Variants in ZYG11A observed in about 807,000 individuals in gnomAD.
The protein encoded by ZYG11A is protein zyg-11 homolog A.
ZYG11A carries 62 observed loss-of-function variants against 77.2 expected under a neutral mutation model. The observed-to-expected ratio is 0.80, with a 90% CI of 0.65 to 0.99. The LOEUF (loss-of-function observed/expected upper bound fraction) is 0.99. Among genes scored for constraint, ZYG11A ranks in the 50% least tolerant of loss-of-function variants. ZYG11A has a pLI of 0.00. For missense variants in ZYG11A, 828 were observed against 896.8 expected, an observed-to-expected ratio of 0.92 and a Z score of 0.98; for synonymous variants, 315 against 324.6, an observed-to-expected ratio of 0.97 and a Z score of 0.32.
intron 8 of ZYG11A, among the ~76,000 whole-genome samples, chr1:52,871,852 T>C (rs1427375832): frequency 1.3e-5 from 2 of 152,244 alleles, no homozygotes; most frequent in Non-Finnish European, 2.9e-5. Flanking sequence ...TAGATTGATG[T>C]AGGAAAATTG....
At chr1:52,875,921 GT>G (rs1481551369) in intron 8 of ZYG11A, among the ~76,000 whole-genome samples, 2 of 149,638 alleles carry the variant, frequency 1.3e-5, no homozygotes. Flanking sequence ...CAAGTTTGAG[GT>G]GATTCAGTTT....
intron 13 of ZYG11A, among the ~76,000 whole-genome samples, chr1:52,892,048 A>G (rs939993900): frequency 2.0e-5 from 3 of 150,698 alleles, no homozygotes; most frequent in African/African-American, 7.4e-5. Flanking sequence ...ACAGGTGCCC[A>G]CGACCACGCC....
rs770629621 is a variant in ZYG11A, at chr1:52,857,703, C to T, written c.962C>T (p.Thr321Met). The T allele has an allele frequency of 6.4e-6, 10 of 1,551,758 alleles. No individual in the cohort carries two copies. The East Asian group carries it at 7.3e-5, about 11-fold the overall frequency. ...ATGCAATTTGTGGGACTATTGGCCA[C>T]GGATGCTGGCTCTTCTGACTTCTTT... Reference protein sequence around the residue: ...PAMQFVGLLATDAGSSDFFTT... With the variant: ...PAMQFVGLLAMDAGSSDFFTT... Residue 321 changes from threonine to methionine, a missense_variant, in exon 3 of 14, where the codon ACG (threonine) becomes ATG (methionine). By Grantham distance (81) the Thr-to-Met change is moderately conservative. Transcript: ENST00000371528.
intron 8 of ZYG11A, among the ~76,000 whole-genome samples, chr1:52,870,864 AGGGAGACCGTGGGGAGG>A (rs1646148943): frequency 7.0e-6 from 1 of 142,752 alleles, no homozygotes; most frequent in Non-Finnish European, 1.5e-5. Context: ...AGAGAGGGAG[AGGGAGACCGTGGGGAGG>A]GGGAGGGGGA....
chr1:52,850,560 C>T (rs1391783840), intron 1 of ZYG11A, among the ~76,000 whole-genome samples: 2 of 151,924 alleles, frequency 1.3e-5, no homozygotes, highest in Non-Finnish European at 2.9e-5. Flanking sequence ...CCTTGTGATT[C>T]GCCTGCCTCA....
chr1:52,846,692 A>T (rs1645592146), intron 1 of ZYG11A, among the ~76,000 whole-genome samples: 1 of 151,794 alleles, frequency 6.6e-6, no homozygotes, highest in Non-Finnish European at 1.5e-5. Context: ...TGAGTTTTTA[A>T]TTTTTTCTAT....
intron 1 of ZYG11A, among the ~76,000 whole-genome samples, chr1:52,853,030 G>T (rs186455638): frequency 4.6e-5 from 7 of 152,326 alleles, no homozygotes; most frequent in African/African-American, 1.7e-4. Context: ...TTATGGAGAA[G>T]CTACATCAAC....
intron 8 of ZYG11A, among the ~76,000 whole-genome samples, chr1:52,873,062 G>A (rs1646199127): frequency 6.6e-6 from 1 of 152,186 alleles, no homozygotes; most frequent in Non-Finnish European, 1.5e-5. Context: ...GCTCATGTCT[G>A]TAATCCTAGC....
chr1:52,844,553 G>C (rs924637404), intron 1 of ZYG11A, among the ~76,000 whole-genome samples: 2 of 151,984 alleles, frequency 1.3e-5, no homozygotes, highest in Admixed American at 1.3e-4. Context: ...AATATTGCAT[G>C]AATACTTTTT....
intron 1 of ZYG11A, among the ~76,000 whole-genome samples, chr1:52,850,024 G>A (rs975289275): frequency 2.6e-5 from 4 of 152,184 alleles, no homozygotes; most frequent in African/African-American, 9.7e-5. Context: ...GATTGGTTAA[G>A]AAGTGCCTTA....
intron 1 of ZYG11A, among the ~76,000 whole-genome samples, chr1:52,845,007 C>T (rs2149981189): frequency 6.6e-6 from 1 of 152,190 alleles, no homozygotes; most frequent in Admixed American, 6.5e-5. Context: ...TGAACTCCGG[C>T]TCAAGCAATC....
chr1:52,866,232 C>G (rs748838954), intron 5 of ZYG11A, among the ~76,000 whole-genome samples: 1 of 152,070 alleles, frequency 6.6e-6, no homozygotes, highest in Non-Finnish European at 1.5e-5. Context: ...CCACCGCACC[C>G]GGCCAAGGGA....
intron 13 of ZYG11A, among the ~76,000 whole-genome samples, chr1:52,890,606 T>C (rs1348291063): frequency 6.6e-6 from 1 of 151,390 alleles, no homozygotes; most frequent in Non-Finnish European, 1.5e-5. Context: ...TAGGTAATTT[T>C]TCTTTTACTT....
chr1:52,869,006 T>C, intron 8 of ZYG11A, among the ~76,000 whole-genome samples: 1 of 152,048 alleles, frequency 6.6e-6, no homozygotes, highest in Admixed American at 6.5e-5. Flanking sequence ...TGGCTAGTTT[T>C]GTATTTTTAG....
intron 13 of ZYG11A, among the ~76,000 whole-genome samples, chr1:52,891,440 C>T (rs1021453579): frequency 2.0e-4 from 30 of 151,842 alleles, no homozygotes; most frequent in Non-Finnish European, 3.7e-4. Flanking sequence ...AATGGATTGG[C>T]GTGTCCCTGA....
chr1:52,880,841 G>A (rs1646351250), intron 10 of ZYG11A, among the ~76,000 whole-genome samples: 1 of 152,184 alleles, frequency 6.6e-6, no homozygotes, highest in South Asian at 2.1e-4. Context: ...TGAAAATGCA[G>A]CCCAGCCAAC....
chr1:52,877,889 G>C, intron 9 of ZYG11A, 36 bp from the exon 10 acceptor site: 1 of 1,551,260 alleles, frequency 6.4e-7, no homozygotes, highest in East Asian at 2.4e-5. Flanking sequence ...TTCTCTTCAT[G>C]ATAAAGTAAC....
chr1:52,857,392 C>T lies in ZYG11A; in HGVS notation c.651C>T (p.Val217=). The T allele has an allele frequency of 6.4e-7, 1 of 1,551,852 alleles. No homozygotes were observed. The change falls in exon 3 of 14, where the codon GTC becomes GTT. Residue 217 remains valine (V), a synonymous_variant. Transcript: ENST00000371528. ...LESLDISNTL[V]TDISALLTCK... Reference sequence around the variant, plus strand: ...GCTTAGATATCTCTAATACTCTAGTCACTGATATTTCTGCACTGCTTACCT... The same window carrying T: ...GCTTAGATATCTCTAATACTCTAGTTACTGATATTTCTGCACTGCTTACCT...
chr1:52,862,406 G>A (rs1645947009), intron 4 of ZYG11A, among the ~76,000 whole-genome samples: 1 of 150,358 alleles, frequency 6.7e-6, no homozygotes, highest in African/African-American at 2.4e-5. Flanking sequence ...CCACCTCCCG[G>A]GTTCACACCA....
Sources: gnomAD v4.1 joint callset for allele counts (sites outside exome capture counted in the v4.1 genomes callset) on GRCh38, gnomAD v4.1.1 for gene constraint, MANE v1.5 for transcripts, NCBI Gene and HGNC (gene_info 2026-07-23, HGNC 2026-07-21) for gene names.